The following ADAMTS12 variants were observed in gnomAD, a reference collection of about 807,000 sequenced individuals.
The protein encoded by ADAMTS12 is A disintegrin and metalloproteinase with thrombospondin motifs 12.
A neutral mutation model predicts 167.8 loss-of-function variants in ADAMTS12; 118 were observed. The ratio of observed to expected loss-of-function variants is 0.70; its 90% CI spans 0.61 to 0.82. The LOEUF is 0.82. Among genes scored for constraint, ADAMTS12 ranks in the 40% least tolerant of loss-of-function variants. The pLI is 0.00. For missense variants in ADAMTS12, 1,916 were observed against 1,998.8 expected, an observed-to-expected ratio of 0.96 and a Z score of 0.79; for synonymous variants, 704 against 716.9, an observed-to-expected ratio of 0.98 and a Z score of 0.29.
chr5:33,570,766 T>C (rs1193487586), intron 19 of ADAMTS12, among the ~76,000 whole-genome samples: 1 of 149,920 alleles, frequency 6.7e-6, no homozygotes, highest in East Asian at 2.0e-4. Flanking sequence ...TAAATGTAAA[T>C]GGACTAAATG....
At chr5:33,848,019 A>C (rs755452153) in intron 2 of ADAMTS12, among the ~76,000 whole-genome samples, 3 of 152,120 alleles carry the variant, frequency 2.0e-5, no homozygotes, top group African/African-American at 4.8e-5. Flanking sequence ...GTTTGAGACC[A>C]GCCTGGCCCA....
chr5:33,788,465 A>T (rs1746413015), intron 2 of ADAMTS12, among the ~76,000 whole-genome samples: 1 of 152,092 alleles, frequency 6.6e-6, no homozygotes, highest in African/African-American at 2.4e-5. Context: ...AGAAGGGGAG[A>T]GAGAAAAGGT....
chr5:33,555,762 G>A (rs1745462299), intron 20 of ADAMTS12, among the ~76,000 whole-genome samples: 2 of 152,172 alleles, frequency 1.3e-5, no homozygotes, highest in South Asian at 2.1e-4. Flanking sequence ...AGTTTCCTTA[G>A]TGGAAATTAT....
At chr5:33,622,165 A>G (rs1303384792) in intron 14 of ADAMTS12, among the ~76,000 whole-genome samples, 1 of 152,182 alleles carries the variant, frequency 6.6e-6, no homozygotes. Context: ...AGCAGAAGAC[A>G]TTTATAATCC....
At chr5:33,683,738 C>CAT in intron 4 of ADAMTS12, 121 bp downstream of exon 4, 1 of 599,768 alleles carries the variant, frequency 1.7e-6, no homozygotes, top group Non-Finnish European at 2.5e-6. Context: ...ACTAGATTCA[C>CAT]ATATATATTT....
intron 2 of ADAMTS12, among the ~76,000 whole-genome samples, chr5:33,856,610 CAA>C (rs113323469): frequency 7.5e-6 from 1 of 133,510 alleles, no homozygotes. Flanking sequence ...AAGGATTTCT[CAA>C]AAAAAAAAAG....
At chr5:33,850,158 A>T (rs958586035) in intron 2 of ADAMTS12, among the ~76,000 whole-genome samples, 17 of 152,106 alleles carry the variant, frequency 1.1e-4, no homozygotes, top group African/African-American at 3.1e-4. Context: ...CCAGACTGTG[A>T]CCCACCCTTA....
chr5:33,831,891 T>TGGG (rs1291772915), intron 2 of ADAMTS12, among the ~76,000 whole-genome samples: 5 of 152,170 alleles, frequency 3.3e-5, no homozygotes, highest in African/African-American at 1.2e-4. Context: ...AAGCTAGAAG[T>TGGG]GGGGAGGTCC....
At chr5:33,627,532 G>C (rs372019088) in intron 13 of ADAMTS12, among the ~76,000 whole-genome samples, 1 of 151,938 alleles carries the variant, frequency 6.6e-6, no homozygotes, top group African/African-American at 2.4e-5. Flanking sequence ...GTGGTATAGT[G>C]AGTAATTAAC....
At chr5:33,745,936 C>T (rs191135142) in intron 3 of ADAMTS12, among the ~76,000 whole-genome samples, 20 of 152,238 alleles carry the variant, frequency 1.3e-4, no homozygotes, top group African/African-American at 3.4e-4. Context: ...TCATCCCTCT[C>T]GTTAGTAAAA....
chr5:33,765,523 A>C (rs1745501649), intron 2 of ADAMTS12, among the ~76,000 whole-genome samples: 1 of 152,222 alleles, frequency 6.6e-6, no homozygotes, highest in Non-Finnish European at 1.5e-5. Context: ...AAAAAGCAGA[A>C]TATTTCTTAA....
At chr5:33,772,109 G>A (rs55659260) in intron 2 of ADAMTS12, among the ~76,000 whole-genome samples, 18,201 of 151,998 alleles carry the variant, frequency 0.12, 1,503 homozygotes, top group East Asian at 0.4. Context: ...TCCTCTCTGC[G>A]GCCTCCCAAG....
chr5:33,627,116 G>GGTGGTGGTGGTGAT (rs1018073250), intron 13 of ADAMTS12, among the ~76,000 whole-genome samples: 1 of 150,184 alleles, frequency 6.7e-6, no homozygotes, highest in Non-Finnish European at 1.5e-5. Flanking sequence ...TGGTTGTGGT[G>GGTGGTGGTGGTGAT]GTGGTGGTGG....
chr5:33,534,031 A>G (rs73758588), intron 23 of ADAMTS12, among the ~76,000 whole-genome samples: 2,988 of 152,336 alleles, frequency 0.02, 105 homozygotes, highest in African/African-American at 0.069. Context: ...GAAATTTTAC[A>G]TGTCAATGAA....
At chr5:33,727,973 C>A (rs570928686) in intron 3 of ADAMTS12, among the ~76,000 whole-genome samples, 1 of 152,320 alleles carries the variant, frequency 6.6e-6, no homozygotes, top group African/African-American at 2.4e-5. Flanking sequence ...TGCAAGCCCT[C>A]AATAGATACC....
At chr5:33,557,535 C>G (rs867620618) in intron 20 of ADAMTS12, among the ~76,000 whole-genome samples, 1 of 152,106 alleles carries the variant, frequency 6.6e-6, no homozygotes, top group African/African-American at 2.4e-5. Flanking sequence ...GAAGCTAAGG[C>G]AGGAGTATTG....
At chr5:33,867,240 A>C (rs1441818235) in intron 2 of ADAMTS12, among the ~76,000 whole-genome samples, 1 of 152,212 alleles carries the variant, frequency 6.6e-6, no homozygotes, top group Non-Finnish European at 1.5e-5. Context: ...ATGGATAAAG[A>C]AAATGTGGTA....
chr5:33,768,122 A>G (rs2112420864), intron 2 of ADAMTS12, among the ~76,000 whole-genome samples: 1 of 152,330 alleles, frequency 6.6e-6, no homozygotes, highest in South Asian at 2.1e-4. Context: ...AACAGCCAAC[A>G]GGACTGCTGT....
At chr5:33,832,565 T>A (rs1748340001) in intron 2 of ADAMTS12, among the ~76,000 whole-genome samples, 1 of 152,206 alleles carries the variant, frequency 6.6e-6, no homozygotes, top group East Asian at 1.9e-4. Flanking sequence ...AGTAAATGTG[T>A]TAGACATTAA....
Sources: allele counts gnomAD v4.1 joint callset (sites outside exome capture counted in the v4.1 genomes callset), GRCh38; gene constraint gnomAD v4.1.1; transcripts MANE v1.5; gene names NCBI Gene and HGNC (gene_info 2026-07-23, HGNC 2026-07-21).